Variants in XRCC4 observed in about 807,000 individuals in gnomAD.
The protein encoded by XRCC4 is DNA repair protein XRCC4.
A neutral mutation model predicts 39.1 loss-of-function variants in XRCC4; 28 were observed. The ratio of observed to expected loss-of-function variants is 0.72; its 90% confidence interval spans 0.53 to 0.98. The LOEUF (loss-of-function observed/expected upper bound fraction) is 0.98, where lower values mean the gene tolerates loss of function less well. Among genes scored for constraint, XRCC4 ranks in the 50% least tolerant of loss-of-function variants. The pLI, the probability that XRCC4 is intolerant of heterozygous loss-of-function variation, is 0.00. For synonymous variants in XRCC4, 123 were observed against 126.4 expected, an observed-to-expected ratio of 0.97 and a Z score of 0.18; for missense variants, 350 against 376.4, an observed-to-expected ratio of 0.93 and a Z score of 0.58.
chr5:83,146,034 A>G (rs1748436803), intron 3 of XRCC4, among the ~76,000 whole-genome samples: 1 of 152,136 alleles, frequency 6.6e-6, no homozygotes, highest in Non-Finnish European at 1.5e-5. Context: ...AAGTATGTTT[A>G]TATTATTGAA....
intron 1 of XRCC4, among the ~76,000 whole-genome samples, chr5:83,083,387 T>TTC (rs1745043143): frequency 6.7e-6 from 1 of 149,996 alleles, no homozygotes. Context: ...TTTTTTTTTT[T>TTC]TTTTTTTGAG....
chr5:83,192,932 A>G (rs1416164155), intron 3 of XRCC4, among the ~76,000 whole-genome samples: 1 of 152,226 alleles, frequency 6.6e-6, no homozygotes, highest in African/African-American at 2.4e-5. Context: ...GTAACCTTAT[A>G]TGTCAAACTA....
chr5:83,140,974 T>G (rs1026361145), intron 3 of XRCC4, among the ~76,000 whole-genome samples: 1 of 152,228 alleles, frequency 6.6e-6, no homozygotes, highest in Admixed American at 6.5e-5. Flanking sequence ...AGCTCATTAG[T>G]TTCTGGTTTA....
At chr5:83,164,806 G>T (rs147396676) in intron 3 of XRCC4, among the ~76,000 whole-genome samples, 3 of 151,896 alleles carry the variant, frequency 2.0e-5, no homozygotes, top group African/African-American at 7.3e-5. Flanking sequence ...TTAAGTAAGG[G>T]TACATCTGTG....
the XRCC4 span, among the ~76,000 whole-genome samples, chr5:83,371,043 T>C: frequency 3.3e-5 from 5 of 152,296 alleles, no homozygotes; most frequent in East Asian, 5.8e-4. Context: ...ATTTTCAGTA[T>C]TCTCCTCTTT....
rs113685695 is a variant in XRCC4, at chr5:83,272,407, A to T, written c.893+13730A>T. 4.5e-3 allele frequency among the ~76,000 whole-genome samples: 681 copies of T among 151,940 alleles called. 2 individuals are homozygous for T. The highest frequency in any genetic ancestry group is 0.016 in the African/African-American group (650 of 41,430). ...TGTTCCCTTGTTGTTACACCTTTTT[A>T]TTATTATTATGTATTATACTTTAAG... On this transcript the variant is annotated intron_variant, in intron 7 of 7. Transcript: ENST00000396027.
intron 4 of XRCC4, among the ~76,000 whole-genome samples, chr5:83,202,376 T>C (rs950868403): frequency 3.3e-5 from 5 of 152,190 alleles, no homozygotes; most frequent in African/African-American, 1.2e-4. Context: ...AGTTCACATC[T>C]TTGGCAAAGA....
intron 7 of XRCC4, among the ~76,000 whole-genome samples, chr5:83,304,408 T>C (rs1755405654): frequency 6.6e-6 from 1 of 152,178 alleles, no homozygotes; most frequent in Non-Finnish European, 1.5e-5. Flanking sequence ...GACTCTTTTC[T>C]CTTTATTTGC....
At chr5:83,313,215 A>G (rs1755766235) in intron 7 of XRCC4, among the ~76,000 whole-genome samples, 1 of 152,026 alleles carries the variant, frequency 6.6e-6, no homozygotes, top group African/African-American at 2.4e-5. Flanking sequence ...TCTGTCCTAA[A>G]GATTGCTGCT....
chr5:83,329,410 T>C (rs1421896931), intron 7 of XRCC4, among the ~76,000 whole-genome samples: 2 of 152,064 alleles, frequency 1.3e-5, no homozygotes, highest in Non-Finnish European at 2.9e-5. Context: ...ATTCTCTAAG[T>C]CGATTAAATA....
intron 2 of XRCC4, among the ~76,000 whole-genome samples, chr5:83,105,692 A>G (rs1339027329): frequency 6.6e-6 from 1 of 152,154 alleles, no homozygotes; most frequent in South Asian, 2.1e-4. Context: ...TATTTTCCTT[A>G]TATACGAAGT....
At chr5:83,315,729 G>C (rs1005646489) in intron 7 of XRCC4, among the ~76,000 whole-genome samples, 2 of 152,066 alleles carry the variant, frequency 1.3e-5, no homozygotes, top group Non-Finnish European at 2.9e-5. Context: ...GCCTACTGTT[G>C]AGACCTACTG....
At chr5:83,327,212 C>A (rs1756291409) in intron 7 of XRCC4, among the ~76,000 whole-genome samples, 1 of 152,054 alleles carries the variant, frequency 6.6e-6, no homozygotes, top group Non-Finnish European at 1.5e-5. Context: ...TCTTTCCCCA[C>A]ACCCAGCCCT....
intron 3 of XRCC4, among the ~76,000 whole-genome samples, chr5:83,190,722 A>C (rs1750657077): frequency 6.6e-6 from 1 of 152,190 alleles, no homozygotes. Context: ...CATAGTATTT[A>C]TTTTGTATGC....
intron 1 of XRCC4, among the ~76,000 whole-genome samples, chr5:83,090,737 G>A (rs1268726452): frequency 1.3e-5 from 2 of 152,162 alleles, no homozygotes; most frequent in Non-Finnish European, 2.9e-5. Context: ...GTAATTGAAA[G>A]CTGTTCCTTA....
chr5:83,216,003 T>C (rs1336625314), intron 6 of XRCC4, among the ~76,000 whole-genome samples: 1 of 152,162 alleles, frequency 6.6e-6, no homozygotes, highest in Admixed American at 6.6e-5. Flanking sequence ...TTCAAAAAGG[T>C]ATCATTAAGA....
chr5:83,204,996 A>C, intron 6 of XRCC4, 75 bp downstream of exon 6: 2 of 1,026,410 alleles, frequency 1.9e-6, no homozygotes, highest in South Asian at 3.6e-5. Flanking sequence ...AAGAAACCAT[A>C]ATGGAAAAAT....
chr5:83,200,193 T>C (rs1402979869), intron 4 of XRCC4, among the ~76,000 whole-genome samples: 2 of 152,184 alleles, frequency 1.3e-5, no homozygotes, highest in Non-Finnish European at 2.9e-5. Context: ...AGTTACTGAT[T>C]ATTGGATAAA....
chr5:83,149,825 A>G (rs1748622312), intron 3 of XRCC4, among the ~76,000 whole-genome samples: 3 of 152,164 alleles, frequency 2.0e-5, no homozygotes, highest in South Asian at 2.1e-4. Flanking sequence ...GTTACAACCC[A>G]GCTGCAAAAC....
Sources: allele counts gnomAD v4.1 joint callset (sites outside exome capture counted in the v4.1 genomes callset), GRCh38; gene constraint gnomAD v4.1.1; transcripts MANE v1.5; gene names NCBI Gene and HGNC (gene_info 2026-07-23, HGNC 2026-07-21).